Variants in IGBP1 observed in about 807,000 individuals in gnomAD.
IGBP1 encodes immunoglobulin binding protein 1, also known as immunoglobulin-binding protein 1.
Under a neutral mutation model 25.9 loss-of-function variants are expected in IGBP1, and 2 were observed. The observed-to-expected ratio is 0.08, with a 90% CI of 0.03 to 0.24. The LOEUF is 0.24. IGBP1 is among the 10% of genes least tolerant of loss of function. The probability of loss-of-function intolerance (pLI) is 1.00; values close to 1 mark genes in which losing one functional copy is unlikely to be tolerated. For synonymous variants in IGBP1, 96 were observed against 93.4 expected (o/e 1.03, Z -0.16); for missense variants, 187 against 260.4 (o/e 0.72, Z 1.94).
At chrX:70,147,738 G>C (rs138661541) in intron 4 of IGBP1, among the ~76,000 whole-genome samples, 4 of 111,935 alleles carry the variant, frequency 3.6e-5, no homozygotes, top group Non-Finnish European at 7.5e-5. Flanking sequence ...TGGAGCTGCT[G>C]CTTCAAAAGA....
At chrX:70,133,614 G>C in intron 1 of IGBP1, 74 bp downstream of exon 1, 1 of 401,045 alleles carries the variant, frequency 2.5e-6, no homozygotes, top group African/African-American at 2.5e-5. Context: ...ATTCAGCCTC[G>C]CCTCACCCGG....
At position 70,151,038 on chromosome X, in the gene IGBP1, G is replaced by A. The variant is rs771409681; in HGVS notation, c.871+716G>A. ...TGCAATGGCGCGATCTTGGCTCACT[G>A]CAACCTATGCCTCCCGGGTTCAAGC... On this transcript the variant is annotated intron_variant, in intron 6 of 6. Coordinates refer to ENST00000356413, the MANE Select transcript of IGBP1 (RefSeq NM_001551.3). Among the ~76,000 whole-genome samples, 6 of 108,433 alleles carry A rather than the reference G, an allele frequency of 5.5e-5. No homozygotes were observed. In the East Asian group the frequency reaches 1.7e-3, roughly 32 times the overall value. 94.2% of individuals were successfully genotyped at this position (108,433 alleles called of 115,157 possible).
At chrX:70,142,916 G>GTTTTTTTTTT (rs772662468) in intron 3 of IGBP1, among the ~76,000 whole-genome samples, 1 of 49,037 alleles carries the variant, frequency 2.0e-5, no homozygotes, top group Non-Finnish European at 3.9e-5. Context: ...TTATCGAGTT[G>GTTTTTTTTTT]TTTTTTTTTT....
chrX:70,148,903 A>G, intron 5 of IGBP1, 63 bp downstream of exon 5: 2 of 791,849 alleles, frequency 2.5e-6, no homozygotes, highest in East Asian at 6.5e-5. Context: ...GTGGCAATTC[A>G]TTAGTGACCC....
intron 1 of IGBP1, 84 bp downstream of exon 1, chrX:70,133,624 G>T (rs963606781): frequency 2.5e-6 from 1 of 403,703 alleles, no homozygotes; most frequent in African/African-American, 2.5e-5. Flanking sequence ...GCCTCACCCG[G>T]GCTTCAGAGC....
At position 70,150,272 on chromosome X, in the gene IGBP1, A is replaced by G. The variant is rs780599105; in HGVS notation, c.821A>G (p.His274Arg). 1.8e-5 allele frequency: 22 copies of G among 1,204,321 alleles called. No individual in the cohort carries two copies. Among genetic ancestry groups the G allele is most frequent in the Middle Eastern group, 2.3e-4 (1 of 4,313 alleles). Residue 274 changes from histidine (H) to arginine (R), a missense_variant, in exon 6 of 7, where the codon CAT becomes CGT. Coordinates refer to ENST00000356413, the MANE Select transcript of IGBP1 (RefSeq NM_001551.3). ...TMTVSDWYEQHRKYGALPDQG... is the reference protein window; with the variant it reads ...TMTVSDWYEQRRKYGALPDQG... ...ACGGTGAGTGACTGGTATGAGCAACATCGGAAATATGGAGCATTACCGGAT... is the reference window on the plus strand; with the variant it reads ...ACGGTGAGTGACTGGTATGAGCAACGTCGGAAATATGGAGCATTACCGGAT...
chrX:70,157,324 A>G (rs2085247615), intron 6 of IGBP1, among the ~76,000 whole-genome samples: 1 of 111,026 alleles, frequency 9.0e-6, no homozygotes, highest in African/African-American at 3.3e-5. Context: ...AAAGGAAATA[A>G]AGGCAGGGAA....
intron 3 of IGBP1, among the ~76,000 whole-genome samples, chrX:70,144,160 C>T (rs1180637103): frequency 1.8e-5 from 2 of 112,089 alleles, no homozygotes; most frequent in African/African-American, 6.5e-5. Flanking sequence ...TGCACTCCAG[C>T]CTGGGTGACA....
chrX:70,135,024 A>G (rs2085086798), intron 3 of IGBP1, among the ~76,000 whole-genome samples: 1 of 112,368 alleles, frequency 8.9e-6, no homozygotes, highest in South Asian at 3.7e-4. Flanking sequence ...TCAGACCCTT[A>G]CTACCTTATG....
At chrX:70,138,903 AG>A (rs1186933037) in intron 3 of IGBP1, among the ~76,000 whole-genome samples, 2 of 112,290 alleles carry the variant, frequency 1.8e-5, no homozygotes, top group Non-Finnish European at 3.8e-5. Flanking sequence ...AGATTTCTAG[AG>A]CCGGTGACTG....
intron 3 of IGBP1, among the ~76,000 whole-genome samples, chrX:70,137,453 T>G (rs1478223676): frequency 1.8e-5 from 2 of 111,262 alleles, no homozygotes; most frequent in Non-Finnish European, 3.8e-5. Flanking sequence ...TATTCAGAAA[T>G]ATTTATTAAT....
Position 70,137,993 on chromosome X carries a change from G to A in IGBP1, c.482+3177G>A, listed in dbSNP as rs1033802248. On this transcript the variant is annotated intron_variant, in intron 3 of 6. Transcript: ENST00000356413. ...GCAAAAAAAAAAAAAAAAATTATCCGGGGGTGGTGATGCACTCCTGTAATC... is the reference window on the plus strand; with the variant it reads ...GCAAAAAAAAAAAAAAAAATTATCCAGGGGTGGTGATGCACTCCTGTAATC... 1.2e-4 allele frequency among the ~76,000 whole-genome samples: 13 copies of A among 106,353 alleles called. No homozygotes were observed. The East Asian group carries it at 2.4e-3, about 19-fold the overall frequency. The allele number at this position is 106,353 out of a possible 115,157, so 92.4% of individuals were successfully genotyped here. A position where few individuals can be genotyped will look rare whatever the true frequency, so the allele number is the denominator to read the frequency against.
intron 5 of IGBP1, 54 bp from the exon 6 acceptor site, chrX:70,150,156 G>T: frequency 2.7e-6 from 2 of 736,870 alleles, no homozygotes; most frequent in Non-Finnish European, 4.2e-6. Context: ...GGTTTTTTTT[G>T]TTATTTTTGT....
intron 4 of IGBP1, 137 bp from the exon 5 acceptor site, chrX:70,148,624 T>G (rs2085182045): frequency 5.8e-6 from 3 of 513,012 alleles, no homozygotes; most frequent in African/African-American, 2.3e-5. Flanking sequence ...GTTCTGCTGC[T>G]ATATCTTAGA....
intron 4 of IGBP1, 31 bp from the exon 5 acceptor site, chrX:70,148,730 A>C: frequency 1.1e-6 from 1 of 941,740 alleles, no homozygotes; most frequent in Non-Finnish European, 1.5e-6. Context: ...AAAATGGCAA[A>C]TTCACCTCTC....
At chrX:70,139,039 T>C (rs1169394826) in intron 3 of IGBP1, among the ~76,000 whole-genome samples, 1 of 111,807 alleles carries the variant, frequency 8.9e-6, no homozygotes, top group East Asian at 2.8e-4. Context: ...GAAAATCCAA[T>C]TGGGTGGCCG....
Position 70,144,631 on chromosome X carries a change from T to TCAGAA in IGBP1, c.483-1998_483-1994dup, listed in dbSNP as rs1047914231. Among the ~76,000 whole-genome samples, 3 of 106,192 alleles carry TCAGAA rather than the reference T, an allele frequency of 2.8e-5. No homozygotes were observed. In the Admixed American group the frequency reaches 3.2e-4, roughly 11 times the overall value. 92.2% of individuals were successfully genotyped at this position (106,192 alleles called of 115,157 possible). On this transcript the variant is annotated intron_variant, in intron 3 of 6. Coordinates refer to ENST00000356413, the MANE Select transcript of IGBP1 (RefSeq NM_001551.3). Reference sequence around the variant, plus strand: ...CCTAAACATTTTTATAATAGCCTTTTCAGAACAGTGGTTCTTGACTTTTTT... The same window carrying TCAGAA: ...CCTAAACATTTTTATAATAGCCTTTTCAGAACAGAACAGTGGTTCTTGACTTTTTT...
At chrX:70,139,276 C>T (rs1343171059) in intron 3 of IGBP1, among the ~76,000 whole-genome samples, 3 of 104,630 alleles carry the variant, frequency 2.9e-5, no homozygotes, top group Non-Finnish European at 5.9e-5. Context: ...CACCATTGCA[C>T]TCCAGCCTGG....
chrX:70,133,798 T>C lies in IGBP1; in HGVS notation c.-150T>C. 1 of 498,050 alleles carries C rather than the reference T, an allele frequency of 2.0e-6. No individual in the cohort carries two copies. The highest frequency in any genetic ancestry group is 3.5e-5 in the Admixed American group (1 of 28,702). The allele number at this position is 498,050 out of a possible 1,213,427, so 41.0% of individuals were successfully genotyped here. A position where few individuals can be genotyped will look rare whatever the true frequency, so the allele number is the denominator to read the frequency against. On this transcript the variant is annotated 5_prime_UTR_variant, in exon 2 of 7. Coordinates refer to ENST00000356413, the MANE Select transcript of IGBP1 (RefSeq NM_001551.3). ...GTTGCCAGGGCCGGCTAACAGCGGC[T>C]CCCGGAAGTCCTTTGATGCTTTGTT...
Sources: allele counts gnomAD v4.1 joint callset (sites outside exome capture counted in the v4.1 genomes callset), GRCh38; gene constraint gnomAD v4.1.1; transcripts MANE v1.5; gene names NCBI Gene and HGNC (gene_info 2026-07-23, HGNC 2026-07-21).